TEDC1: variants seen among roughly 807,000 people sequenced by gnomAD.
TEDC1 encodes the protein tubulin epsilon and delta complex 1, also known as tubulin epsilon and delta complex protein 1.
Under a neutral mutation model 59.9 loss-of-function variants are expected in TEDC1, and 54 were observed. That is an observed-to-expected ratio of 0.90 (90% CI 0.72 to 1.13). The LOEUF is 1.13. Ranked by LOEUF, TEDC1 falls within the 50% of genes most tolerant of loss-of-function variation. TEDC1 has a pLI of 0.00. For synonymous variants in TEDC1, 353 were observed against 298.1 expected (o/e 1.18, Z -1.90); for missense variants, 734 against 683.4 (o/e 1.07, Z -0.83).
intron 7 of TEDC1, 131 bp downstream of exon 7, chr14:105,497,574 CT>C (rs1462123150): frequency 1.7e-6 from 2 of 1,190,234 alleles, no homozygotes; most frequent in Non-Finnish European, 2.3e-6. Context: ...AGTGTAGGCT[CT>C]TTCTAGGACT....
At chr14:105,492,071 G>C (rs2084226789) in intron 2 of TEDC1, 36 bp from the exon 3 acceptor site, 4 of 1,554,572 alleles carry the variant, frequency 2.6e-6, no homozygotes, top group Non-Finnish European at 3.5e-6. Flanking sequence ...ACCTCCAGGT[G>C]GGTGGTCCCC....
At chr14:105,490,975 C>T (rs2084191854), upstream of TEDC1, 2 of 1,493,508 alleles carry the variant, frequency 1.3e-6, no homozygotes, top group South Asian at 2.4e-5. Flanking sequence ...TTCTCCATAT[C>T]AACAGCCCTG....
At chr14:105,498,177 C>T (rs1335283480) in intron 8 of TEDC1, among the ~76,000 whole-genome samples, 200 bp downstream of exon 8, 1 of 152,210 alleles carries the variant, frequency 6.6e-6, no homozygotes, top group Non-Finnish European at 1.5e-5. Context: ...CCCCGCCCCT[C>T]CTGCGGGAGG....
intron 4 of TEDC1, among the ~76,000 whole-genome samples, 154 bp from the exon 5 acceptor site, chr14:105,493,681 C>T (rs752198785): frequency 1.3e-4 from 20 of 152,238 alleles, no homozygotes; most frequent in Middle Eastern, 3.4e-3. Flanking sequence ...AGCCCAGCCC[C>T]GCCAACCTCA....
chr14:105,495,755 G>A, intron 5 of TEDC1, 125 bp from the exon 6 acceptor site: 1 of 800,110 alleles, frequency 1.2e-6, no homozygotes, highest in Non-Finnish European at 1.9e-6. Context: ...CTCCTGCCCA[G>A]TGCCTCTGTG....
chr14:105,492,643 T>A lies in TEDC1; in HGVS notation c.494T>A (p.Val165Asp). Residue 165 changes from valine (V) to aspartate (D), a missense_variant, in exon 4 of 9, where the codon GTC becomes GAC. By Grantham distance (152) the Val-to-Asp change is radical. Transcript: ENST00000392523. ...ATGGAAGCAGAGGGTCCTGTGGATG[T>A]CCGCCATGTGCAGTGGCTGATGGGA... ...PHMEAEGPVD[V>D]RHVQWLMGKL... 6.5e-7 allele frequency: 1 copy of A among 1,544,230 alleles called. No homozygotes were observed. Among genetic ancestry groups the A allele is most frequent in the Non-Finnish European group, 8.7e-7 (1 of 1,146,872 alleles).
At position 105,492,502 on chromosome 14, in the gene TEDC1, C is replaced by T; in HGVS notation, c.430-77C>T. The T allele has an allele frequency of 2.7e-6, 4 of 1,494,688 alleles. No individual in the cohort carries two copies. In the South Asian group the frequency reaches 3.8e-5, roughly 14 times the overall value. The allele number at this position is 1,494,688 out of a possible 1,614,324, so 92.6% of individuals were successfully genotyped here. On this transcript the variant is annotated intron_variant, in intron 3 of 8. Coordinates refer to ENST00000392523, the MANE Select transcript of TEDC1 (RefSeq NM_001367178.1). ...CACCCGTTGTTTTTGGCTGTGCCTC[C>T]ACTACCGTCTCCATCCTGGCCTTTT... is the stretch of plus-strand genomic sequence containing the variant.
intron 2 of TEDC1, 134 bp from the exon 3 acceptor site, chr14:105,491,973 G>A: frequency 3.0e-6 from 3 of 1,006,366 alleles, no homozygotes; most frequent in Non-Finnish European, 4.4e-6. Flanking sequence ...CTGAGTTCTA[G>A]CTCTCCCACT....
Position 105,493,884 on chromosome 14 carries a change from T to A in TEDC1, c.635T>A (p.Leu212Gln). Residue 212 changes from leucine to glutamine, a missense_variant, in exon 5 of 9, where the codon CTG becomes CAG. Transcript: ENST00000392523. ...GCHSDQSLSH[L>Q]SVTEAEMLRD... ...CACAGCGACCAGAGCCTTAGCCATCTGTCTGTCACTGAAGCAGAGATGCTC... is the reference window on the plus strand; with the variant it reads ...CACAGCGACCAGAGCCTTAGCCATCAGTCTGTCACTGAAGCAGAGATGCTC... The A allele has an allele frequency of 6.2e-7, 1 of 1,603,908 alleles. No homozygotes were observed. Among genetic ancestry groups the A allele is most frequent in the South Asian group, 1.1e-5 (1 of 90,952 alleles).
rs782308934 is a variant in TEDC1, at chr14:105,492,291, C to T, written c.411C>T (p.Asp137=). ...MLAQARVPLG[D]EMTVCQCEAL... Reference sequence around the variant, plus strand: ...CCCAGGCCCGAGTGCCTCTGGGTGACGAGATGACTGTGTGCCAGGTGCGTG... The same window carrying T: ...CCCAGGCCCGAGTGCCTCTGGGTGATGAGATGACTGTGTGCCAGGTGCGTG... Residue 137 remains aspartate, a synonymous_variant, in exon 3 of 9, where the codon GAC becomes GAT. Transcript: ENST00000392523. 3.8e-5 allele frequency: 61 copies of T among 1,605,440 alleles called. No individual in the cohort carries two copies. The highest frequency in any genetic ancestry group is 1.8e-4 in the Middle Eastern group (1 of 5,410).
chr14:105,490,971 A>G (rs1439153418), upstream of TEDC1: 10 of 1,472,684 alleles, frequency 6.8e-6, no homozygotes, highest in South Asian at 1.2e-5. Flanking sequence ...GGTGTTCTCC[A>G]TATCAACAGC....
At position 105,495,970 on chromosome 14, in the gene TEDC1, T is replaced by G. The variant is rs1555440354; in HGVS notation, c.775T>G (p.Phe259Val). 1 of 1,550,212 alleles carries G rather than the reference T, an allele frequency of 6.5e-7. No individual in the cohort carries two copies. Among genetic ancestry groups the G allele is most frequent in the African/African-American group, 1.4e-5 (1 of 73,042 alleles). The change falls in exon 6 of 9, where the codon TTC becomes GTC. Residue 259 changes from phenylalanine to valine, a missense_variant. By Grantham distance (50) the Phe-to-Val change is conservative (BLOSUM62 -1). Coordinates refer to ENST00000392523, the MANE Select transcript of TEDC1 (RefSeq NM_001367178.1). The stretch of plus-strand genomic sequence containing the variant: ...CACTCCTGGGATGGGTCCCAGAACC[T>G]TCTGGAATGATCTGTGGCTGGTATG... ...FCTPGMGPRT[F>V]WNDLWLVCEQ...
Position 105,491,829 on chromosome 14 carries a change from C to T in TEDC1, c.226+129C>T, listed in dbSNP as rs587677109. On this transcript the variant is annotated intron_variant, in intron 2 of 8. Transcript: ENST00000392523. ...CCACCCAACACTGACCCCGCTTGCT[C>T]CTCAAAACTCCGCCTTCCCCGGTAA... The T allele has an allele frequency of 3.1e-4, 355 of 1,144,760 alleles. 3 individuals carry two copies. In the South Asian group the frequency reaches 3.7e-3, roughly 12 times the overall value. The allele number at this position is 1,144,760 out of a possible 1,614,324, so 70.9% of individuals were successfully genotyped here. A position where few individuals can be genotyped will look rare whatever the true frequency, so the allele number is the denominator to read the frequency against.
Position 105,492,199 on chromosome 14 carries a change from A to T in TEDC1, c.319A>T (p.Ser107Cys). 6.2e-7 allele frequency: 1 copy of T among 1,612,822 alleles called. No individual in the cohort carries two copies. Among genetic ancestry groups the T allele is most frequent in the Non-Finnish European group, 8.5e-7 (1 of 1,179,884 alleles). The change falls in exon 3 of 9, where the codon AGT (serine) becomes TGT (cysteine). Residue 107 changes from serine to cysteine, a missense_variant. By Grantham distance (112) the Ser-to-Cys change is moderately radical (BLOSUM62 -1). Coordinates refer to ENST00000392523, the MANE Select transcript of TEDC1 (RefSeq NM_001367178.1). ...AQLPEDGSQGSRELLLALSWL... is the reference protein window; with the variant it reads ...AQLPEDGSQGCRELLLALSWL... ...ACTACCTGAGGATGGCTCGCAGGGC[A>T]GTCGGGAGCTGCTGCTGGCTCTGTC...
Position 105,497,807 on chromosome 14 carries a change from C to T in TEDC1, c.988C>T (p.Leu330=). 6.4e-7 allele frequency: 1 copy of T among 1,565,774 alleles called. No individual in the cohort carries two copies. The highest frequency in any genetic ancestry group is 8.7e-7 in the Non-Finnish European group (1 of 1,155,188). ...ACTTGGGTCTCTGTAGGACACGGTC[C>T]TGGGCACCTGTGCCCCGGAGGTGCC... The part of the protein sequence containing the change: ...LVFWRWMDTV[L]GTCAPEVPAA... The change falls in exon 8 of 9, where the codon CTG becomes TTG. Residue 330 remains leucine, a synonymous_variant. Coordinates refer to ENST00000392523, the MANE Select transcript of TEDC1 (RefSeq NM_001367178.1).
At chr14:105,496,385 G>A (rs587598909) in intron 6 of TEDC1, 35 of 400,338 alleles carry the variant, frequency 8.7e-5, no homozygotes, top group Non-Finnish European at 1.2e-4. Context: ...TTCTCTGACC[G>A]CAGGCCTGCC....
Position 105,499,085 on chromosome 14 carries a change from G to GGGGCT in TEDC1, c.*146_*150dup. 1.0e-6 allele frequency: 1 copy of GGGGCT among 960,330 alleles called. No individual in the cohort carries two copies. Among genetic ancestry groups the GGGGCT allele is most frequent in the Non-Finnish European group, 1.5e-6 (1 of 664,618 alleles). The allele number at this position is 960,330 out of a possible 1,614,324, so 59.5% of individuals were successfully genotyped here. On this transcript the variant is annotated 3_prime_UTR_variant, in exon 9 of 9. Transcript: ENST00000392523. Reference sequence around the variant, plus strand: ...CACGTCACATGCTCGCTCCAGGGGTGGGGCTGGGCTGACTCTGGCCGGATC... The same window carrying GGGGCT: ...CACGTCACATGCTCGCTCCAGGGGTGGGGCTGGGCTGGGCTGACTCTGGCCGGATC...
intron 7 of TEDC1, 56 bp from the exon 8 acceptor site, chr14:105,497,742 C>G: frequency 6.8e-7 from 1 of 1,464,310 alleles, no homozygotes; most frequent in East Asian, 2.5e-5. Flanking sequence ...CCTCTTTGCC[C>G]TCTGTCCCTC....
At chr14:105,491,567 C>CCCTCGCAGGGA in intron 1 of TEDC1, 45 bp downstream of exon 1, 1 of 1,542,050 alleles carries the variant, frequency 6.5e-7, no homozygotes, top group Non-Finnish European at 8.7e-7. Context: ...GGGTCCCGGG[C>CCCTCGCAGGGA]CCTCGCAGGG....
Sources: gnomAD v4.1 joint callset for allele counts (sites outside exome capture counted in the v4.1 genomes callset) on GRCh38, gnomAD v4.1.1 for gene constraint, MANE v1.5 for transcripts, NCBI Gene and HGNC (gene_info 2026-07-23, HGNC 2026-07-21) for gene names.